Variants in DNASE2 observed in about 807,000 individuals in gnomAD.
DNASE2 encodes the protein deoxyribonuclease 2, lysosomal.
Under a neutral mutation model 29.8 loss-of-function variants are expected in DNASE2, and 26 were observed. That is an observed-to-expected ratio of 0.87 (90% CI 0.64 to 1.21). DNASE2 has a LOEUF of 1.21. Among genes scored for constraint, DNASE2 ranks in the 50% most tolerant of loss-of-function variants. The probability of loss-of-function intolerance (pLI) is 0.00; values close to 1 mark genes in which losing one functional copy is unlikely to be tolerated. For missense variants in DNASE2, 415 were observed against 455.6 expected, an observed-to-expected ratio of 0.91 and a Z score of 0.81; for synonymous variants, 186 against 193.5, an observed-to-expected ratio of 0.96 and a Z score of 0.32.
chr19:12,879,187 T>C (rs1227548526), intron 3 of DNASE2, among the ~76,000 whole-genome samples: 4 of 147,526 alleles, frequency 2.7e-5, no homozygotes, highest in Non-Finnish European at 6.0e-5. Flanking sequence ...AATAAATAAA[T>C]AAATAAAAAT....
At chr19:12,881,198 G>A in intron 1 of DNASE2, 46 bp from the exon 2 acceptor site, 6 of 1,611,422 alleles carry the variant, frequency 3.7e-6, no homozygotes, top group South Asian at 1.1e-5. Context: ...GGAAGAGAAG[G>A]CACCCCAGGG....
chr19:12,876,045 T>C lies in DNASE2; in HGVS notation c.1028A>G (p.Asn343Ser). 6.2e-7 allele frequency: 1 copy of C among 1,613,996 alleles called. No individual in the cohort carries two copies. Among genetic ancestry groups the C allele is most frequent in the Non-Finnish European group, 8.5e-7 (1 of 1,180,022 alleles). ...LWKAFQPLVK[N>S]YQPCNGMARK... Reference sequence around the variant, plus strand: ...GGCCATGCCATTACAGGGCTGGTAGTTCTTCACCAGCGGCTGGAAGGCTTT... The same window carrying C: ...GGCCATGCCATTACAGGGCTGGTAGCTCTTCACCAGCGGCTGGAAGGCTTT... Residue 343 changes from asparagine to serine, a missense_variant, in exon 6 of 6, where the codon AAC (asparagine) becomes AGC (serine). Coordinates refer to ENST00000222219, the MANE Select transcript of DNASE2 (RefSeq NM_001375.3).
chr19:12,879,833 G>A (rs1186016478), intron 3 of DNASE2, among the ~76,000 whole-genome samples: 1 of 152,162 alleles, frequency 6.6e-6, no homozygotes, highest in African/African-American at 2.4e-5. Context: ...GCCAGGTGTG[G>A]TGGCTCACGC....
chr19:12,878,631 T>C, intron 4 of DNASE2, 39 bp downstream of exon 4: 1 of 1,613,918 alleles, frequency 6.2e-7, no homozygotes, highest in South Asian at 1.1e-5. Flanking sequence ...TTCTGGTCAG[T>C]AAACCCAGGA....
intron 5 of DNASE2, among the ~76,000 whole-genome samples, chr19:12,877,765 C>G (rs866698532): frequency 6.6e-6 from 1 of 151,638 alleles, no homozygotes; most frequent in East Asian, 1.9e-4. Flanking sequence ...AGGATGGTCT[C>G]GATCTCCTGA....
Position 12,881,031 on chromosome 19 carries a change from T to G in DNASE2, c.208A>C (p.Ser70Arg). Residue 70 changes from serine (S) to arginine (R), a missense_variant, in exon 2 of 6, where the codon AGC becomes CGC. Transcript: ENST00000222219. ...GWRDGRALIN[S>R]PEGAVGRSLQ... is the part of the protein sequence containing the mutation. ...CTTCGGCCCACGGCCCCCTCCGGGC[T>G]GTTGATGAGTGCCCTGCCGTCCCGC... The G allele has an allele frequency of 6.2e-7, 1 of 1,613,760 alleles. No homozygotes were observed. The highest frequency in any genetic ancestry group is 8.5e-7 in the Non-Finnish European group (1 of 1,180,020).
At chr19:12,880,311 G>T (rs1174987077) in intron 3 of DNASE2, among the ~76,000 whole-genome samples, 1 of 151,132 alleles carries the variant, frequency 6.6e-6, no homozygotes, top group African/African-American at 2.4e-5. Context: ...TCTGACAGGG[G>T]AGATCTCCCA....
intron 5 of DNASE2, among the ~76,000 whole-genome samples, chr19:12,877,694 C>T (rs1344204009): frequency 3.3e-5 from 5 of 150,160 alleles, no homozygotes; most frequent in Admixed American, 1.3e-4. Context: ...TACAGGTGCC[C>T]GCCACCATGC....
In DNASE2 at chr19:12,875,987, G is replaced by T; in HGVS notation, c.*3C>A. The T allele has an allele frequency of 6.2e-7, 1 of 1,612,888 alleles. No individual in the cohort carries two copies. Among genetic ancestry groups the T allele is most frequent in the South Asian group, 1.1e-5 (1 of 91,022 alleles). On this transcript the variant is annotated 3_prime_UTR_variant, in exon 6 of 6. Transcript: ENST00000222219. ...CGTGAGCCACTGCACCTGGCCATAA[G>T]GGTTAGATCTTATAAGCTCTGCTGG...
In DNASE2 at chr19:12,878,786, A is replaced by G; in HGVS notation, c.395T>C (p.Val132Ala). 1 of 1,613,972 alleles carries G rather than the reference A, an allele frequency of 6.2e-7. No homozygotes were observed. The highest frequency in any genetic ancestry group is 8.5e-7 in the Non-Finnish European group (1 of 1,179,978). Reference sequence around the variant, plus strand: ...GGAGGCCGGTGGAGGGAAGTTAGGTACACTGTGGACCAGCCAGAAGCCCCC... The same window carrying G: ...GGAGGCCGGTGGAGGGAAGTTAGGTGCACTGTGGACCAGCCAGAAGCCCCC... ...HDGGFWLVHS[V>A]PNFPPPASSA... Residue 132 changes from valine to alanine, a missense_variant, in exon 4 of 6, where the codon GTA becomes GCA. Transcript: ENST00000222219.
chr19:12,880,739 G>A (rs1209034960), intron 3 of DNASE2, 63 bp downstream of exon 3: 5 of 1,604,480 alleles, frequency 3.1e-6, no homozygotes, highest in East Asian at 2.2e-5. Context: ...CCCCATGCAC[G>A]TCAGGGGTTA....
In DNASE2 at chr19:12,881,347, A is replaced by C; in HGVS notation, c.29T>G (p.Leu10Arg). ...GGTCAGGGCCCCGGCGGGGACGCAC[A>C]GCAGCGCTGCCAGCAGCAGCGGGAT... Reference protein sequence around the residue: MIPLLLAALLCVPAGALTCY... With the variant: MIPLLLAALRCVPAGALTCY... The change falls in exon 1 of 6, where the codon CTG becomes CGG. Residue 10 changes from leucine to arginine, a missense_variant. By Grantham distance (102) the Leu-to-Arg change is moderately radical. Transcript: ENST00000222219. The C allele has an allele frequency of 6.4e-7, 1 of 1,565,842 alleles. No homozygotes were observed. The highest frequency in any genetic ancestry group is 8.6e-7 in the Non-Finnish European group (1 of 1,156,388).
chr19:12,877,126 T>A (rs938970161), intron 5 of DNASE2, among the ~76,000 whole-genome samples: 2 of 152,192 alleles, frequency 1.3e-5, no homozygotes, highest in Admixed American at 6.5e-5. Flanking sequence ...AGTTTCACCA[T>A]GTTGGCCAGA....
At chr19:12,880,027 C>G (rs1240825145) in intron 3 of DNASE2, among the ~76,000 whole-genome samples, 1 of 140,508 alleles carries the variant, frequency 7.1e-6, no homozygotes, top group African/African-American at 2.7e-5. Flanking sequence ...ATCGCTTGAA[C>G]TGGGGAGATG....
At chr19:12,881,211 C>T in intron 1 of DNASE2, 59 bp from the exon 2 acceptor site, 1 of 1,610,958 alleles carries the variant, frequency 6.2e-7, no homozygotes, top group South Asian at 1.1e-5. Flanking sequence ...CCCCAGGGTT[C>T]CCCGAGGAGG....
chr19:12,876,663 G>T (rs1019574831), intron 5 of DNASE2, among the ~76,000 whole-genome samples: 1 of 151,300 alleles, frequency 6.6e-6, no homozygotes, highest in Non-Finnish European at 1.5e-5. Flanking sequence ...TATTGACCAG[G>T]CTGGTCTCAA....
chr19:12,878,479 G>C lies in DNASE2; in HGVS notation c.612C>G (p.His204Gln). Residue 204 changes from histidine to glutamine, a missense_variant, in exon 5 of 6, where the codon CAC becomes CAG. By Grantham distance (24) the His-to-Gln change is conservative. Coordinates refer to ENST00000222219, the MANE Select transcript of DNASE2 (RefSeq NM_001375.3). The stretch of plus-strand genomic sequence containing the variant: ...TGTTCCAGGGTTCTTGGCTAACGTG[G>C]TGGCCCTTGACCACATTCTCCAAGT... ...FPDLENVVKG[H>Q]HVSQEPWNSS... The C allele has an allele frequency of 1.2e-6, 2 of 1,614,068 alleles. No individual in the cohort carries two copies. Among genetic ancestry groups the C allele is most frequent in the South Asian group, 2.2e-5 (2 of 91,076 alleles).
At position 12,881,418 on chromosome 19, in the gene DNASE2, C is replaced by T. The variant is rs1471423230; in HGVS notation, c.-43G>A. On this transcript the variant is annotated 5_prime_UTR_variant, in exon 1 of 6. Transcript: ENST00000222219. ...GATCCAGGAATCTGTGTCGGGACTGCGGGGCGCTGGGTTACATCAGAGGCC... is the reference window on the plus strand; with the variant it reads ...GATCCAGGAATCTGTGTCGGGACTGTGGGGCGCTGGGTTACATCAGAGGCC... 3 of 1,547,348 alleles carry T rather than the reference C, an allele frequency of 1.9e-6. No individual in the cohort carries two copies. The highest frequency in any genetic ancestry group is 2.6e-6 in the Non-Finnish European group (3 of 1,146,174).
intron 3 of DNASE2, among the ~76,000 whole-genome samples, chr19:12,880,374 G>A (rs1343681138): frequency 2.0e-5 from 3 of 151,304 alleles, no homozygotes; most frequent in Non-Finnish European, 4.4e-5. Flanking sequence ...GAACTCGGCT[G>A]GGCAGGGTGG....
Sources: gnomAD v4.1 joint callset for allele counts (sites outside exome capture counted in the v4.1 genomes callset) on GRCh38, gnomAD v4.1.1 for gene constraint, MANE v1.5 for transcripts, NCBI Gene and HGNC (gene_info 2026-07-23, HGNC 2026-07-21) for gene names.